Variants in TANC2 observed in about 807,000 individuals in gnomAD.
TANC2 encodes the protein protein TANC2.
Under a neutral mutation model 210.5 loss-of-function variants are expected in TANC2, and 26 were observed. That is an observed-to-expected ratio of 0.12 (90% CI 0.09 to 0.17). TANC2 has a LOEUF of 0.17. TANC2 is among the 10% of genes least tolerant of loss of function. The pLI, the probability that TANC2 is intolerant of heterozygous loss-of-function variation, is 1.00. For missense variants in TANC2, 2,129 were observed against 2,608.9 expected, an observed-to-expected ratio of 0.82 and a Z score of 4.01; for synonymous variants, 931 against 967.1, an observed-to-expected ratio of 0.96 and a Z score of 0.69.
At chr17:63,362,602 A>G (rs1318658487) in intron 14 of TANC2, among the ~76,000 whole-genome samples, 1 of 152,238 alleles carries the variant, frequency 6.6e-6, no homozygotes, top group Non-Finnish European at 1.5e-5. Context: ...CATGCTCGTC[A>G]GCACCCAAAG....
intron 3 of TANC2, chr17:63,088,727 A>G (rs1029096613): frequency 2.0e-5 from 3 of 152,196 alleles, no homozygotes; most frequent in African/African-American, 7.2e-5. Context: ...TTACAGTCAT[A>G]AAGTTTGTCT....
intron 4 of TANC2, among the ~76,000 whole-genome samples, chr17:63,139,669 G>T (rs1239619618): frequency 6.6e-6 from 1 of 152,202 alleles, no homozygotes; most frequent in African/African-American, 2.4e-5. Flanking sequence ...ACTTTGGGAG[G>T]CTGAGGAGTA....
chr17:63,192,136 TGGTATC>T (rs1241112501), intron 5 of TANC2, among the ~76,000 whole-genome samples: 2 of 152,236 alleles, frequency 1.3e-5, no homozygotes, highest in African/African-American at 4.8e-5. Context: ...TATCATAACC[TGGTATC>T]GGATTTCTTT....
intron 4 of TANC2, among the ~76,000 whole-genome samples, chr17:63,142,043 T>A (rs2039309681): frequency 6.6e-6 from 1 of 152,202 alleles, no homozygotes; most frequent in Non-Finnish European, 1.5e-5. Context: ...AAGCCAGACA[T>A]TGCTACAGAT....
At chr17:62,976,206 A>G (rs1020376303) in intron 1 of TANC2, among the ~76,000 whole-genome samples, 4 of 152,166 alleles carry the variant, frequency 2.6e-5, no homozygotes, top group African/African-American at 4.8e-5. Context: ...ATTAATTTTA[A>G]TCCTTTCTAT....
At chr17:63,292,485 A>G (rs2044412014) in intron 9 of TANC2, among the ~76,000 whole-genome samples, 1 of 152,236 alleles carries the variant, frequency 6.6e-6, no homozygotes. Context: ...GACTTTAACT[A>G]AAACAATTAG....
intron 20 of TANC2, 136 bp from the exon 21 acceptor site, chr17:63,406,018 C>G (rs2048493858): frequency 9.0e-7 from 1 of 1,110,050 alleles, no homozygotes; most frequent in Admixed American, 2.2e-5. Flanking sequence ...TATACAGGTA[C>G]TTATGGGGGA....
chr17:63,406,073 A>G (rs2048496879), intron 20 of TANC2, 81 bp from the exon 21 acceptor site: 1 of 1,559,858 alleles, frequency 6.4e-7, no homozygotes, highest in Non-Finnish European at 8.7e-7. Flanking sequence ...AGGAATTCCT[A>G]CAGAGTAAGA....
At chr17:63,128,490 T>C (rs1456981317) in intron 4 of TANC2, among the ~76,000 whole-genome samples, 1 of 152,244 alleles carries the variant, frequency 6.6e-6, no homozygotes, top group Non-Finnish European at 1.5e-5. Flanking sequence ...GACTAGATTA[T>C]ACATTTTAGT....
intron 22 of TANC2, 140 bp downstream of exon 22, chr17:63,411,826 A>G: frequency 7.1e-7 from 1 of 1,399,734 alleles, no homozygotes; most frequent in Non-Finnish European, 9.6e-7. Flanking sequence ...GAGAGCAAGA[A>G]TATTCAAAAT....
intron 24 of TANC2, 131 bp from the exon 25 acceptor site, chr17:63,413,412 A>C: frequency 1.6e-6 from 1 of 608,668 alleles, no homozygotes; most frequent in South Asian, 2.3e-5. Context: ...CAGGTCTAAA[A>C]GATGAGGTAC....
intron 3 of TANC2, among the ~76,000 whole-genome samples, chr17:63,078,390 G>A (rs2036644868): frequency 6.6e-6 from 1 of 151,932 alleles, no homozygotes; most frequent in African/African-American, 2.4e-5. Context: ...TTTCTGTATT[G>A]CTTTCCTGTC....
rs1289206603 is a variant in TANC2 at position 63,405,365 on chromosome 17, G to T, written c.3465+110G>T. On this transcript the variant is annotated intron_variant, in intron 20 of 27. Coordinates refer to ENST00000689528, the Ensembl canonical transcript of TANC2. ...AGTAAAGTTTGGGTTACCCAGCAGTGATCAGGTTTGAGGACTTGGACCTTT... is the reference window on the plus strand; with the variant it reads ...AGTAAAGTTTGGGTTACCCAGCAGTTATCAGGTTTGAGGACTTGGACCTTT... 4 of 1,281,812 alleles carry T rather than the reference G, an allele frequency of 3.1e-6. No homozygotes were observed. In the East Asian group the frequency reaches 1.0e-4, roughly 33 times the overall value. 79.4% of individuals were successfully genotyped at this position (1,281,812 alleles called of 1,614,324 possible).
chr17:63,102,144 T>C (rs1273457935), intron 4 of TANC2, among the ~76,000 whole-genome samples: 2 of 151,866 alleles, frequency 1.3e-5, no homozygotes, highest in Middle Eastern at 3.2e-3. Context: ...CTACAACAAA[T>C]AATTTAAACA....
intron 8 of TANC2, among the ~76,000 whole-genome samples, chr17:63,256,920 C>T (rs7219979): frequency 0.021 from 3,189 of 152,238 alleles, 101 homozygotes; most frequent in African/African-American, 0.071. Context: ...TCTGATATAA[C>T]TATAGCTACT....
chr17:63,266,319 TA>T (rs1264422797), intron 8 of TANC2, among the ~76,000 whole-genome samples: 2 of 152,204 alleles, frequency 1.3e-5, no homozygotes, highest in Non-Finnish European at 2.9e-5. Flanking sequence ...ATACACTGAT[TA>T]GAAACTATGG....
chr17:63,035,509 T>C (rs1394595991), intron 2 of TANC2, among the ~76,000 whole-genome samples: 3 of 152,206 alleles, frequency 2.0e-5, no homozygotes, highest in African/African-American at 7.2e-5. Context: ...TTGAGATTCA[T>C]CTGAGTTGTT....
At position 63,346,265 on chromosome 17, in the gene TANC2, AT is replaced by A. The variant is rs371380524; in HGVS notation, c.1808-4983del. Among the ~76,000 whole-genome samples the A allele has an allele frequency of 3.6e-4, 55 of 152,374 alleles. No individual in the cohort carries two copies. The East Asian group carries it at 9.1e-3, about 25-fold the overall frequency. ...ACTAATTATATAAAAATGATGACAA[AT>A]TAGACTTCATCAAACTTAAAAATAT... On this transcript the variant is annotated intron_variant, in intron 12 of 27. Transcript: ENST00000689528.
At chr17:63,305,914 A>G (rs1171226498) in intron 9 of TANC2, among the ~76,000 whole-genome samples, 1 of 152,242 alleles carries the variant, frequency 6.6e-6, no homozygotes, top group Non-Finnish European at 1.5e-5. Context: ...CTCAGATAGC[A>G]CATGGTGGCA....
Sources: gnomAD v4.1 joint callset for allele counts (sites outside exome capture counted in the v4.1 genomes callset) on GRCh38, gnomAD v4.1.1 for gene constraint, MANE v1.5 for transcripts, NCBI Gene and HGNC (gene_info 2026-07-23, HGNC 2026-07-21) for gene names.